STARD13: variants seen among roughly 807,000 people sequenced by gnomAD.
STARD13 encodes the protein stAR-related lipid transfer protein 13.
Under a neutral mutation model 106.4 loss-of-function variants are expected in STARD13, and 62 were observed. That is an observed-to-expected ratio of 0.58 (90% confidence interval 0.48 to 0.72). STARD13 has a LOEUF of 0.72. Among genes scored for constraint, STARD13 ranks in the 30% least tolerant of loss-of-function variants. The pLI is 0.00. For synonymous variants in STARD13, 565 were observed against 553.0 expected, an observed-to-expected ratio of 1.02 and a Z score of -0.31; for missense variants, 1,387 against 1,424.0, an observed-to-expected ratio of 0.97 and a Z score of 0.42.
At chr13:33,134,130 A>G (rs1042603794) in intron 4 of STARD13, among the ~76,000 whole-genome samples, 1 of 152,212 alleles carries the variant, frequency 6.6e-6, no homozygotes, top group African/African-American at 2.4e-5. Context: ...ACAACTGAAA[A>G]TAGGTTCCCA....
chr13:33,208,962 T>C (rs528858131), intron 1 of STARD13, among the ~76,000 whole-genome samples: 3 of 152,372 alleles, frequency 2.0e-5, no homozygotes, highest in African/African-American at 7.2e-5. Context: ...TGAAATACTT[T>C]TGCAGCCGTT....
At chr13:33,196,570 G>A (rs181125575) in intron 1 of STARD13, among the ~76,000 whole-genome samples, 2 of 152,262 alleles carry the variant, frequency 1.3e-5, no homozygotes, top group East Asian at 3.9e-4. Context: ...TTACCTCCAC[G>A]CTTGCTTTCA....
At position 33,129,613 on chromosome 13, in the gene STARD13, T is replaced by C; in HGVS notation, c.1064A>G (p.Glu355Gly). Residue 355 changes from glutamate (E) to glycine (G), a missense_variant, in exon 5 of 14, where the codon GAG (glutamate) becomes GGG (glycine). Transcript: ENST00000336934. ...TPCLKERKCH[E>G]ANKRGGMYLE... Reference sequence around the variant, plus strand: ...GTACATGCCCCCGCGCTTGTTGGCCTCGTGGCACTTGCGTTCCTTCAGGCA... The same window carrying C: ...GTACATGCCCCCGCGCTTGTTGGCCCCGTGGCACTTGCGTTCCTTCAGGCA... 6.2e-7 allele frequency: 1 copy of C among 1,614,042 alleles called. No individual in the cohort carries two copies. Among genetic ancestry groups the C allele is most frequent in the Non-Finnish European group, 8.5e-7 (1 of 1,180,032 alleles).
At chr13:33,202,419 G>A (rs984812605) in intron 1 of STARD13, among the ~76,000 whole-genome samples, 3 of 152,156 alleles carry the variant, frequency 2.0e-5, no homozygotes. Flanking sequence ...ACCCCACAAA[G>A]AAGTGGTATG....
chr13:33,138,644 G>T (rs760761863), intron 4 of STARD13: 117 of 270,434 alleles, frequency 4.3e-4, no homozygotes, highest in Non-Finnish European at 7.9e-4. Flanking sequence ...GGCCGGGCCT[G>T]CCTGTTTGGA....
chr13:33,192,885 C>T (rs1203780659), intron 1 of STARD13, among the ~76,000 whole-genome samples: 3 of 151,368 alleles, frequency 2.0e-5, no homozygotes, highest in South Asian at 4.2e-4. Flanking sequence ...GCAAAAAGAG[C>T]GAAACTCTGT....
At chr13:33,195,614 G>C (rs184539231) in intron 1 of STARD13, among the ~76,000 whole-genome samples, 1 of 152,172 alleles carries the variant, frequency 6.6e-6, no homozygotes, top group Non-Finnish European at 1.5e-5. Context: ...AAGCCGACAC[G>C]TAGCACCCAC....
the STARD13 span, among the ~76,000 whole-genome samples, chr13:33,592,531 A>C: frequency 6.6e-6 from 1 of 152,188 alleles, no homozygotes; most frequent in Non-Finnish European, 1.5e-5. Context: ...TCCAGAGATC[A>C]GATATATAGT....
chr13:33,480,933 A>G, the STARD13 span, among the ~76,000 whole-genome samples: 2 of 152,292 alleles, frequency 1.3e-5, no homozygotes, highest in Admixed American at 1.3e-4. Flanking sequence ...ATTTTTTATT[A>G]GGGTCAGGAT....
chr13:33,594,213 C>A, the STARD13 span, among the ~76,000 whole-genome samples: 230 of 152,258 alleles, frequency 1.5e-3, 2 homozygotes, highest in African/African-American at 5.2e-3. Flanking sequence ...TACTTCTAAT[C>A]CTCATGGTGT....
the STARD13 span, among the ~76,000 whole-genome samples, chr13:33,450,211 G>A: frequency 5.3e-5 from 8 of 152,126 alleles, no homozygotes; most frequent in Non-Finnish European, 8.8e-5. Flanking sequence ...AATGATGTTG[G>A]CCGTGAGTTT....
chr13:33,625,572 T>C, the STARD13 span, among the ~76,000 whole-genome samples: 1 of 151,060 alleles, frequency 6.6e-6, no homozygotes, highest in Non-Finnish European at 1.5e-5. Context: ...GTCTCAAAAA[T>C]AAATAAATAA....
intron 1 of STARD13, among the ~76,000 whole-genome samples, chr13:33,342,199 A>C (rs1246615362): frequency 6.6e-6 from 1 of 152,172 alleles, no homozygotes; most frequent in African/African-American, 2.4e-5. Flanking sequence ...AAGGTCAGTA[A>C]ATGGATGCTA....
intron 9 of STARD13, among the ~76,000 whole-genome samples, chr13:33,112,298 A>G (rs1216432584): frequency 6.6e-6 from 1 of 152,188 alleles, no homozygotes; most frequent in African/African-American, 2.4e-5. Context: ...GGCATTCTTC[A>G]ATGCTAGCTC....
chr13:33,219,782 G>A lies in STARD13; in HGVS notation c.170-52160C>T, dbSNP rs561886232. On this transcript the variant is annotated intron_variant, in intron 1 of 13. Transcript: ENST00000336934. ...CACGCCACTGTACTCCACCATGGGC[G>A]ACAAAGCAAAATCCTGTCTCTAAAA... Among the ~76,000 whole-genome samples, 22 of 104,630 alleles carry A rather than the reference G, an allele frequency of 2.1e-4. No homozygotes were observed. The East Asian group carries it at 3.5e-3, about 17-fold the overall frequency. 68.6% of individuals were successfully genotyped at this position (104,630 alleles called of 152,430 possible). A position where few individuals can be genotyped will look rare whatever the true frequency, so the allele number is the denominator to read the frequency against.
chr13:33,536,461 T>C, the STARD13 span, among the ~76,000 whole-genome samples: 1 of 152,238 alleles, frequency 6.6e-6, no homozygotes, highest in Non-Finnish European at 1.5e-5. Context: ...TTTCCCATCA[T>C]GGGAGAGTCT....
chr13:33,531,954 G>T, the STARD13 span, among the ~76,000 whole-genome samples: 2 of 152,094 alleles, frequency 1.3e-5, no homozygotes, highest in Non-Finnish European at 2.9e-5. Flanking sequence ...CAGAAGTACT[G>T]AAAACACTGT....
chr13:33,337,913 T>C (rs1260699636), intron 1 of STARD13, among the ~76,000 whole-genome samples: 3 of 152,190 alleles, frequency 2.0e-5, no homozygotes, highest in Non-Finnish European at 4.4e-5. Flanking sequence ...TTAAACCAAA[T>C]GAGGGGCCCT....
the STARD13 span, among the ~76,000 whole-genome samples, chr13:33,527,741 A>G: frequency 0.058 from 8,763 of 151,770 alleles, 808 homozygotes; most frequent in African/African-American, 0.2. Context: ...TAATTATACA[A>G]ATTTAAATTT....
Sources: allele counts gnomAD v4.1 joint callset (sites outside exome capture counted in the v4.1 genomes callset), GRCh38; gene constraint gnomAD v4.1.1; transcripts MANE v1.5; gene names NCBI Gene and HGNC (gene_info 2026-07-23, HGNC 2026-07-21).